The following SP3 variants were observed in gnomAD, a reference collection of about 807,000 sequenced individuals.
The protein encoded by SP3 is Sp3 transcription factor.
SP3 carries 10 observed loss-of-function variants against 70.3 expected under a neutral mutation model. The ratio of observed to expected loss-of-function variants is 0.14; its 90% CI spans 0.09 to 0.24. SP3 has a LOEUF of 0.24. Among genes scored for constraint, SP3 ranks in the 10% least tolerant of loss-of-function variants. SP3 has a pLI of 1.00. For missense variants in SP3, 825 were observed against 914.6 expected (o/e 0.90, Z 1.26); for synonymous variants, 402 against 333.5 (o/e 1.21, Z -2.24).
At chr2:173,959,688 A>G (rs990559329) in intron 3 of SP3, among the ~76,000 whole-genome samples, 2 of 152,174 alleles carry the variant, frequency 1.3e-5, no homozygotes, top group Non-Finnish European at 2.9e-5. Context: ...TGGAAGGCGG[A>G]GATTGCAGTG....
intron 3 of SP3, among the ~76,000 whole-genome samples, 189 bp downstream of exon 3, chr2:173,963,572 G>C (rs1168871501): frequency 1.3e-5 from 2 of 152,128 alleles, no homozygotes; most frequent in African/African-American, 2.4e-5. Context: ...TGACAATTTC[G>C]AGAAAGCCTG....
At chr2:173,964,236 G>C (rs1691196542) in intron 2 of SP3, 169 bp downstream of exon 2, 4 of 497,506 alleles carry the variant, frequency 8.0e-6, no homozygotes, top group Non-Finnish European at 1.4e-5. Context: ...GGCGCGGGCG[G>C]GGTCGGAGCG....
At position 173,964,570 on chromosome 2, in the gene SP3, GGGGGGT is replaced by G. The variant is rs1286095708; in HGVS notation, c.8-23_8-18del. On this transcript the variant is annotated intron_variant, in intron 1 of 6. Coordinates refer to ENST00000310015, the MANE Select transcript of SP3 (RefSeq NM_003111.5). ...TTTCGGGAGCTGCAGGCACAGCGCG[GGGGGGT>G]GGGGGTGGGGAGGAAGGCGGGTGGC... The G allele has an allele frequency of 7.3e-6, 5 of 680,494 alleles. No homozygotes were observed. The highest frequency in any genetic ancestry group is 3.0e-5 in the East Asian group (1 of 33,310). 42.2% of individuals were successfully genotyped at this position (680,494 alleles called of 1,614,324 possible).
At chr2:173,925,430 G>T (rs1689887011) in intron 4 of SP3, among the ~76,000 whole-genome samples, 1 of 152,150 alleles carries the variant, frequency 6.6e-6, no homozygotes, top group Non-Finnish European at 1.5e-5. Context: ...GATGAAAAGG[G>T]AAGTTGGTAT....
chr2:173,913,009 G>A, intron 6 of SP3, 61 bp downstream of exon 6: 1 of 1,278,724 alleles, frequency 7.8e-7, no homozygotes, highest in South Asian at 2.0e-5. Flanking sequence ...TAAAAAAGAA[G>A]TCAAGGCAGT....
Position 173,918,667 on chromosome 2 carries a change from G to A in SP3, c.1758C>T (p.Asp586=). Residue 586 remains aspartate, a synonymous_variant, in exon 5 of 7, where the codon GAC becomes GAT. Coordinates refer to ENST00000310015, the MANE Select transcript of SP3 (RefSeq NM_003111.5). ...GTCTTTTTCCTTCTTGATGTTGTTG[G>A]TCCCCTTCTTCATCTACCACCTGTA... is the stretch of plus-strand genomic sequence containing the variant. ...LRVQVVDEEG[D]QQHQEGKRLR... The A allele has an allele frequency of 6.2e-7, 1 of 1,613,664 alleles. No individual in the cohort carries two copies. Among genetic ancestry groups the A allele is most frequent in the East Asian group, 2.2e-5 (1 of 44,858 alleles).
rs1466424050 is a variant in SP3 at position 173,906,566 on chromosome 2, A to G, written c.*3375T>C. ...AAAACCAAATTGTGTAACAGGTAGC[A>G]TAACATGTCAGTTTATATTATTTTA... On this transcript the variant is annotated 3_prime_UTR_variant, in exon 7 of 7. Coordinates refer to ENST00000310015, the MANE Select transcript of SP3 (RefSeq NM_003111.5). The G allele has an allele frequency of 1.3e-5, 2 of 152,178 alleles. No individual in the cohort carries two copies. Among genetic ancestry groups the G allele is most frequent in the Non-Finnish European group, 2.9e-5 (2 of 68,008 alleles). 9.4% of individuals were successfully genotyped at this position (152,178 alleles called of 1,614,324 possible).
rs768833121 is a variant in SP3 at position 173,909,831 on chromosome 2, C to T, written c.*110G>A. ...GTGTCATGTATAACCAAGTTACTGT[C>T]AATCCAAAAATTTTTGCACATCAAT... On this transcript the variant is annotated 3_prime_UTR_variant, in exon 7 of 7. Transcript: ENST00000310015. The T allele has an allele frequency of 1.1e-5, 11 of 971,602 alleles. No individual in the cohort carries two copies. Among genetic ancestry groups the T allele is most frequent in the Non-Finnish European group, 1.7e-5 (11 of 659,974 alleles). 60.2% of individuals were successfully genotyped at this position (971,602 alleles called of 1,614,324 possible). A position where few individuals can be genotyped will look rare whatever the true frequency, so the allele number is the denominator to read the frequency against.
Position 173,933,002 on chromosome 2 carries a change from T to C in SP3, c.1640-14217A>G, listed in dbSNP as rs181313329. The stretch of plus-strand genomic sequence containing the variant: ...TACGAGACTGTCTCAAAAACAAAAA[T>C]AAAAAATAATAATGAAAAGGTTTGA... On this transcript the variant is annotated intron_variant, in intron 4 of 6. Coordinates refer to ENST00000310015, the MANE Select transcript of SP3 (RefSeq NM_003111.5). 3.4e-3 allele frequency among the ~76,000 whole-genome samples: 511 copies of C among 151,750 alleles called. 5 individuals carry two copies. The highest frequency in any genetic ancestry group is 0.012 in the African/African-American group (490 of 41,374).
At chr2:173,958,234 T>TA (rs144946052) in intron 3 of SP3, among the ~76,000 whole-genome samples, 2 of 149,700 alleles carry the variant, frequency 1.3e-5, no homozygotes, top group East Asian at 1.9e-4. Context: ...TTCCTTTCTT[T>TA]AAAAAAAACA....
At chr2:173,927,070 A>G (rs1344865092) in intron 4 of SP3, among the ~76,000 whole-genome samples, 2 of 152,098 alleles carry the variant, frequency 1.3e-5, no homozygotes, top group African/African-American at 4.8e-5. Flanking sequence ...CAGGGCAGCA[A>G]GAGGGTGGCA....
At chr2:173,933,668 A>AT (rs1690134116) in intron 4 of SP3, among the ~76,000 whole-genome samples, 1 of 141,982 alleles carries the variant, frequency 7.0e-6, no homozygotes, top group South Asian at 2.1e-4. Flanking sequence ...ATATATATAT[A>AT]TATAAAAGTT....
chr2:173,922,520 T>G (rs937384533), intron 4 of SP3, among the ~76,000 whole-genome samples: 1 of 151,686 alleles, frequency 6.6e-6, no homozygotes, highest in Non-Finnish European at 1.5e-5. Context: ...GCATATACAT[T>G]AGGCATTGAG....
chr2:173,910,273 T>A lies in SP3; in HGVS notation c.2030-16A>T, dbSNP rs532647295. ...TTCTTCTCACCTGTTAAGAAAAAAA[T>A]TAAGTTACTTGGTTTTAAAAATTCA... On this transcript the variant is annotated splice_polypyrimidine_tract_variant and intron_variant, in intron 6 of 6. Coordinates refer to ENST00000310015, the MANE Select transcript of SP3 (RefSeq NM_003111.5). 3 of 1,609,442 alleles carry A rather than the reference T, an allele frequency of 1.9e-6. No homozygotes were observed. The highest frequency in any genetic ancestry group is 1.1e-5 in the South Asian group (1 of 90,440).
chr2:173,961,942 T>TTTTTG (rs1691097761), intron 3 of SP3, among the ~76,000 whole-genome samples: 2 of 27,396 alleles, frequency 7.3e-5, no homozygotes, highest in African/African-American at 4.8e-4. Flanking sequence ...TGGGTTTTTT[T>TTTTTG]TTTTTTTTTT....
At chr2:173,943,701 A>T (rs1690446390) in intron 4 of SP3, among the ~76,000 whole-genome samples, 1 of 152,202 alleles carries the variant, frequency 6.6e-6, no homozygotes, top group Non-Finnish European at 1.5e-5. Flanking sequence ...CATCCACTAG[A>T]ATACAAGATT....
chr2:173,934,976 A>C (rs1363910033), intron 4 of SP3, among the ~76,000 whole-genome samples: 1 of 152,220 alleles, frequency 6.6e-6, no homozygotes, highest in East Asian at 1.9e-4. Context: ...ATCACAAAGA[A>C]GGTCTTATGT....
At chr2:173,951,889 TTCC>T in intron 4 of SP3, among the ~76,000 whole-genome samples, 1 of 152,324 alleles carries the variant, frequency 6.6e-6, no homozygotes, top group Admixed American at 6.5e-5. Flanking sequence ...CATACAGATC[TTCC>T]AAGTGTTAGC....
chr2:173,933,638 T>TA (rs71405167), intron 4 of SP3, among the ~76,000 whole-genome samples: 4 of 86,556 alleles, frequency 4.6e-5, no homozygotes, highest in Non-Finnish European at 7.1e-5. Context: ...TTATAAAACT[T>TA]TATATATATA....
Sources: allele counts gnomAD v4.1 joint callset (sites outside exome capture counted in the v4.1 genomes callset), GRCh38; gene constraint gnomAD v4.1.1; transcripts MANE v1.5; gene names NCBI Gene and HGNC (gene_info 2026-07-23, HGNC 2026-07-21).